The following STK31 variants were observed in gnomAD, a reference collection of about 807,000 sequenced individuals.
STK31 encodes the protein serine/threonine-protein kinase 31.
Under a neutral mutation model 129.7 loss-of-function variants are expected in STK31, and 89 were observed. The observed-to-expected ratio is 0.69, with a 90% CI of 0.58 to 0.82. STK31 has a LOEUF of 0.82. Among genes scored for constraint, STK31 ranks in the 40% least tolerant of loss-of-function variants. STK31 has a pLI of 0.00. For missense variants in STK31, 1,187 were observed against 1,176.4 expected (o/e 1.01, Z -0.13); for synonymous variants, 448 against 395.3 (o/e 1.13, Z -1.58).
intron 10 of STK31, chr7:23,755,054 A>G (rs950127522): frequency 2.0e-5 from 3 of 152,218 alleles, no homozygotes; most frequent in Admixed American, 1.3e-4. Flanking sequence ...TTCTGGTTCT[A>G]GATCCTTGAG....
chr7:23,764,603 G>A (rs1789695761), intron 11 of STK31, among the ~76,000 whole-genome samples: 2 of 151,948 alleles, frequency 1.3e-5, no homozygotes, highest in East Asian at 1.9e-4. Flanking sequence ...TTGTATTCTC[G>A]GTTTTCTTGG....
chr7:23,755,387 G>C (rs1789005279), intron 10 of STK31, among the ~76,000 whole-genome samples: 1 of 152,116 alleles, frequency 6.6e-6, no homozygotes, highest in Non-Finnish European at 1.5e-5. Flanking sequence ...GTAGATTCTG[G>C]ATATTAGATC....
chr7:23,738,504 C>T (rs772891620), intron 8 of STK31, among the ~76,000 whole-genome samples: 9 of 152,188 alleles, frequency 5.9e-5, no homozygotes, highest in Non-Finnish European at 1.3e-4. Context: ...CCACTCACTT[C>T]AGTCTCCTGC....
chr7:23,763,622 A>G (rs888630564), intron 11 of STK31, among the ~76,000 whole-genome samples: 12 of 151,758 alleles, frequency 7.9e-5, no homozygotes, highest in African/African-American at 2.9e-4. Flanking sequence ...GTCATTTCCT[A>G]GTTTTGATTG....
rs193095159 is a variant in STK31 at position 23,820,343 on chromosome 7, T to C, written c.2829+5131T>C. Among the ~76,000 whole-genome samples, 5 of 152,342 alleles carry C rather than the reference T, an allele frequency of 3.3e-5. No homozygotes were observed. In the East Asian group the frequency reaches 9.6e-4, roughly 29 times the overall value. The stretch of plus-strand genomic sequence containing the variant: ...GAGAATACTGTGTTTTTGATCTGTT[T>C]GGTTGCAGATGTGGAAACTGCAGAT... On this transcript the variant is annotated intron_variant, in intron 23 of 23. Transcript: ENST00000355870.
chr7:23,792,422 G>A (rs950029403), intron 22 of STK31, among the ~76,000 whole-genome samples: 4 of 152,170 alleles, frequency 2.6e-5, no homozygotes, highest in South Asian at 4.1e-4. Context: ...TGCAAGAGTT[G>A]CACACTATTA....
intron 8 of STK31, among the ~76,000 whole-genome samples, chr7:23,737,902 T>C (rs1013997322): frequency 2.6e-5 from 4 of 151,452 alleles, no homozygotes; most frequent in Non-Finnish European, 4.4e-5. Flanking sequence ...TGTATGTGTG[T>C]TTAACACCAA....
rs767784778 is a variant in STK31 at position 23,781,429 on chromosome 7, C to A, written c.1976C>A (p.Pro659His). The A allele has an allele frequency of 6.8e-6, 11 of 1,608,596 alleles. No individual in the cohort carries two copies. In the East Asian group the frequency reaches 2.5e-4, roughly 36 times the overall value. Residue 659 changes from proline (P) to histidine (H), a missense_variant, in exon 16 of 24, where the codon CCT (proline) becomes CAT (histidine). Pro to His is a moderately conservative substitution (Grantham distance 77, BLOSUM62 -2). Coordinates refer to ENST00000355870, the MANE Select transcript of STK31 (RefSeq NM_031414.5). The stretch of plus-strand genomic sequence containing the variant: ...TCTTTCTGATTCAAGTCAGATGATC[C>A]TGATGGCTCTCAAATTGAGAAAATA... ...EKSNLEESDD[P>H]DGSQIEKIKE... is the part of the protein sequence containing the mutation.
At chr7:23,800,497 C>T (rs1389505782) in intron 22 of STK31, among the ~76,000 whole-genome samples, 2 of 152,114 alleles carry the variant, frequency 1.3e-5, no homozygotes, top group African/African-American at 4.8e-5. Flanking sequence ...AAACCAAATA[C>T]CTCATGTTCT....
chr7:23,724,478 G>A (rs1005828960), intron 4 of STK31, among the ~76,000 whole-genome samples: 16 of 152,196 alleles, frequency 1.1e-4, no homozygotes, highest in South Asian at 2.1e-4. Context: ...GTAAAAACAA[G>A]GTTAGGCATT....
intron 14 of STK31, 41 bp downstream of exon 14, chr7:23,771,165 A>T: frequency 6.7e-7 from 1 of 1,489,702 alleles, no homozygotes. Context: ...TAAATTGATG[A>T]TTTGAATTTT....
intron 10 of STK31, among the ~76,000 whole-genome samples, chr7:23,761,182 G>A (rs1789439477): frequency 6.6e-6 from 1 of 152,126 alleles, no homozygotes; most frequent in South Asian, 2.1e-4. Flanking sequence ...TATCCTATGA[G>A]TACAGATGTG....
At position 23,716,296 on chromosome 7, in the gene STK31, T is replaced by C. The variant is rs576549964; in HGVS notation, c.151-1185T>C. ...TAGCAAGAGTTCCACAGAAGTGATA[T>C]TGTAGTCCTCTCAGTATATCATATT... On this transcript the variant is annotated intron_variant, in intron 3 of 23. Coordinates refer to ENST00000355870, the MANE Select transcript of STK31 (RefSeq NM_031414.5). Among the ~76,000 whole-genome samples, 3 of 152,318 alleles carry C rather than the reference T, an allele frequency of 2.0e-5. No individual in the cohort carries two copies. The East Asian group carries it at 5.8e-4, about 29-fold the overall frequency.
intron 22 of STK31, among the ~76,000 whole-genome samples, chr7:23,808,871 C>G (rs998034359): frequency 1.3e-5 from 2 of 151,680 alleles, no homozygotes; most frequent in Non-Finnish European, 2.9e-5. Context: ...TTACCTATTA[C>G]AGTTTTCTGT....
At chr7:23,721,712 C>T in intron 4 of STK31, 1 of 792,206 alleles carries the variant, frequency 1.3e-6, no homozygotes, top group South Asian at 1.3e-5. Flanking sequence ...ATCATTCTTA[C>T]TTGGCTGCAC....
At chr7:23,827,783 C>G (rs1485408838) in intron 23 of STK31, among the ~76,000 whole-genome samples, 1 of 151,704 alleles carries the variant, frequency 6.6e-6, no homozygotes, top group Non-Finnish European at 1.5e-5. Context: ...GTGTGGATGT[C>G]CTTTCTGTTT....
intron 23 of STK31, among the ~76,000 whole-genome samples, chr7:23,829,041 C>T (rs1794380634): frequency 6.6e-6 from 1 of 151,814 alleles, no homozygotes; most frequent in Non-Finnish European, 1.5e-5. Flanking sequence ...GCTGGGATTA[C>T]AGGCGCCCGC....
chr7:23,730,878 A>ATATATATATATATATATATTT, intron 6 of STK31, among the ~76,000 whole-genome samples: 30 of 59,522 alleles, frequency 5.0e-4, no homozygotes, highest in South Asian at 8.2e-4. Flanking sequence ...ATATATATAT[A>ATATATATATATATATATATTT]TTTTTTTTTT....
At chr7:23,812,419 T>A (rs1390666196) in intron 22 of STK31, among the ~76,000 whole-genome samples, 1 of 151,196 alleles carries the variant, frequency 6.6e-6, no homozygotes, top group Non-Finnish European at 1.5e-5. Flanking sequence ...TTTCCTTTTT[T>A]TTTTTTTTTT....
Sources: allele counts gnomAD v4.1 joint callset (sites outside exome capture counted in the v4.1 genomes callset), GRCh38; gene constraint gnomAD v4.1.1; transcripts MANE v1.5; gene names NCBI Gene and HGNC (gene_info 2026-07-23, HGNC 2026-07-21).